ROBO2: variants seen among roughly 807,000 people sequenced by gnomAD.
ROBO2 encodes the protein roundabout guidance receptor 2, also known as roundabout homolog 2.
In ROBO2, 53 loss-of-function variants were observed where a neutral mutation model predicts 160.8. The observed-to-expected ratio is 0.33, with a 90% CI of 0.26 to 0.41. The LOEUF (loss-of-function observed/expected upper bound fraction) is 0.41, where lower values mean the gene tolerates loss of function less well. Ranked by LOEUF, ROBO2 falls within the 10% of genes least tolerant of loss-of-function variation. ROBO2 has a pLI of 1.00. For synonymous variants in ROBO2, 664 were observed against 611.7 expected (o/e 1.09, Z -1.26); for missense variants, 1,577 against 1,722.4 (o/e 0.92, Z 1.49).
At chr3:76,058,564 C>G (rs185744503) in intron 2 of ROBO2, among the ~76,000 whole-genome samples, 1 of 131,722 alleles carries the variant, frequency 7.6e-6, no homozygotes, top group African/African-American at 2.9e-5. Flanking sequence ...TGCACATGAA[C>G]TATCACACGT....
intron 2 of ROBO2, among the ~76,000 whole-genome samples, chr3:75,994,958 C>G (rs2065683465): frequency 6.6e-6 from 1 of 152,120 alleles, no homozygotes; most frequent in South Asian, 2.1e-4. Flanking sequence ...GCATTTTGCC[C>G]CTGCCCTAGA....
In ROBO2 at chr3:77,261,271, G is replaced by T. The variant is rs542343290; in HGVS notation, c.388+162931G>T. ...TGTGTGCCTGGGGAAGCCACAGGAG[G>T]CTCCCAGAAGCAGCCTTCCAGGTTC... On this transcript the variant is annotated intron_variant, in intron 2 of 25. Coordinates refer to ENST00000461745, the Ensembl canonical transcript of ROBO2. Among the ~76,000 whole-genome samples the T allele has an allele frequency of 2.3e-4, 35 of 152,216 alleles. No individual in the cohort carries two copies. The South Asian group carries it at 3.9e-3, about 17-fold the overall frequency.
chr3:76,052,965 A>T (rs1448607079), intron 2 of ROBO2, among the ~76,000 whole-genome samples: 1 of 152,024 alleles, frequency 6.6e-6, no homozygotes, highest in African/African-American at 2.4e-5. Context: ...ACCTTTGGTT[A>T]TTTATATTTT....
chr3:76,912,672 A>G (rs902646926), intron 2 of ROBO2, among the ~76,000 whole-genome samples: 1 of 152,222 alleles, frequency 6.6e-6, no homozygotes, highest in African/African-American at 2.4e-5. Flanking sequence ...AGTGAACATT[A>G]TCATATCAGA....
chr3:76,210,018 C>G (rs973971580), intron 2 of ROBO2, among the ~76,000 whole-genome samples: 2 of 152,076 alleles, frequency 1.3e-5, no homozygotes, highest in African/African-American at 4.8e-5. Context: ...TGATTGGACA[C>G]TCTTTGGTCT....
intron 2 of ROBO2, among the ~76,000 whole-genome samples, chr3:77,016,114 C>T (rs1440663482): frequency 1.4e-4 from 22 of 151,946 alleles, no homozygotes; most frequent in Non-Finnish European, 3.2e-4. Flanking sequence ...GTAGCTGGGA[C>T]TACAGGCGCC....
chr3:76,219,986 A>G (rs537623908), intron 2 of ROBO2, among the ~76,000 whole-genome samples: 1 of 152,058 alleles, frequency 6.6e-6, no homozygotes, highest in Non-Finnish European at 1.5e-5. Flanking sequence ...ACCATGGAAT[A>G]CTATGCAGCC....
intron 19 of ROBO2, among the ~76,000 whole-genome samples, chr3:77,597,605 C>A (rs1168774631): frequency 1.3e-5 from 2 of 152,050 alleles, no homozygotes; most frequent in East Asian, 3.9e-4. Flanking sequence ...AACTGCCTTG[C>A]CAGAACCCCA....
chr3:76,648,952 G>A (rs1197739929), intron 2 of ROBO2, among the ~76,000 whole-genome samples: 1 of 151,990 alleles, frequency 6.6e-6, no homozygotes, highest in African/African-American at 2.4e-5. Context: ...GGATGTCGGT[G>A]TACAACTATT....
chr3:76,718,515 T>C (rs1300914906), intron 2 of ROBO2, among the ~76,000 whole-genome samples: 1 of 152,198 alleles, frequency 6.6e-6, no homozygotes, highest in Non-Finnish European at 1.5e-5. Flanking sequence ...TTTTCTCAAT[T>C]TTCATCTTGG....
At chr3:77,019,265 G>A (rs996167541) in intron 2 of ROBO2, among the ~76,000 whole-genome samples, 1 of 151,968 alleles carries the variant, frequency 6.6e-6, no homozygotes, top group Admixed American at 6.6e-5. Context: ...CCATTTTTTG[G>A]TTCATAAATG....
At chr3:77,326,300 T>A (rs1257043983) in intron 2 of ROBO2, among the ~76,000 whole-genome samples, 1 of 152,168 alleles carries the variant, frequency 6.6e-6, no homozygotes, top group Non-Finnish European at 1.5e-5. Context: ...ATCTCAGTAG[T>A]AAAGACTATT....
chr3:76,789,205 T>C (rs1351909567), intron 2 of ROBO2, among the ~76,000 whole-genome samples: 1 of 151,524 alleles, frequency 6.6e-6, no homozygotes, highest in Non-Finnish European at 1.5e-5. Flanking sequence ...GCACTGAGCT[T>C]GCTAGTATTT....
At chr3:75,990,485 T>C (rs895553329) in intron 2 of ROBO2, among the ~76,000 whole-genome samples, 2 of 152,196 alleles carry the variant, frequency 1.3e-5, no homozygotes, top group African/African-American at 4.8e-5. Context: ...CCAGGATAGA[T>C]TGAGGTGGAG....
chr3:77,185,414 G>C (rs2081191950), intron 2 of ROBO2, among the ~76,000 whole-genome samples: 1 of 151,964 alleles, frequency 6.6e-6, no homozygotes, highest in South Asian at 2.1e-4. Flanking sequence ...AAAGAAGGCA[G>C]TAGTCAGACA....
At chr3:77,152,400 T>C (rs1352868703) in intron 2 of ROBO2, among the ~76,000 whole-genome samples, 2 of 152,242 alleles carry the variant, frequency 1.3e-5, no homozygotes, top group Non-Finnish European at 2.9e-5. Context: ...TTTTTTATTA[T>C]ACTGAATCTT....
intron 2 of ROBO2, among the ~76,000 whole-genome samples, chr3:76,641,713 G>A (rs916836399): frequency 1.3e-5 from 2 of 152,120 alleles, no homozygotes; most frequent in Non-Finnish European, 2.9e-5. Context: ...TCTTGGTCTG[G>A]ATAATTATAG....
intron 16 of ROBO2, among the ~76,000 whole-genome samples, chr3:77,581,889 A>G (rs1028273288): frequency 6.6e-6 from 1 of 152,058 alleles, no homozygotes; most frequent in Non-Finnish European, 1.5e-5. Context: ...CCTTTCATCT[A>G]TAAGTTTGTG....
chr3:77,554,441 A>C (rs2093036244), intron 8 of ROBO2, among the ~76,000 whole-genome samples: 1 of 151,982 alleles, frequency 6.6e-6, no homozygotes, highest in Admixed American at 6.6e-5. Context: ...TATATTTTCC[A>C]AGGCTATAGC....
Sources: allele counts gnomAD v4.1 joint callset (sites outside exome capture counted in the v4.1 genomes callset), GRCh38; gene constraint gnomAD v4.1.1; transcripts MANE v1.5; gene names NCBI Gene and HGNC (gene_info 2026-07-23, HGNC 2026-07-21).